Variants in PSD3 observed in about 807,000 individuals in gnomAD.
The protein encoded by PSD3 is pleckstrin and Sec7 domain containing 3.
In PSD3, 49 loss-of-function variants were observed where a neutral mutation model predicts 105.5. The observed-to-expected ratio is 0.46, with a 90% CI of 0.37 to 0.59. The LOEUF is 0.59. PSD3 is among the 20% of genes least tolerant of loss of function. PSD3 has a pLI of 0.00. For missense variants in PSD3, 1,561 were observed against 1,263.8 expected, an observed-to-expected ratio of 1.24 and a Z score of -3.57; for synonymous variants, 557 against 457.8, an observed-to-expected ratio of 1.22 and a Z score of -2.77.
Position 18,871,500 on chromosome 8 carries a change from A to T in PSD3, c.1238+126T>A, listed in dbSNP as rs575396426. On this transcript the variant is annotated intron_variant, in intron 3 of 15. Transcript: ENST00000327040. ...AGAAGGACCTAGCTCACAGTAACTC[A>T]TCTTATATTCCATGATAACAAGAAC... 30 of 1,252,030 alleles carry T rather than the reference A, an allele frequency of 2.4e-5. No individual in the cohort carries two copies. The African/African-American group carries it at 3.9e-4, about 16-fold the overall frequency. The allele number at this position is 1,252,030 out of a possible 1,614,324, so 77.6% of individuals were successfully genotyped here. A position where few individuals can be genotyped will look rare whatever the true frequency, so the allele number is the denominator to read the frequency against.
intron 4 of PSD3, among the ~76,000 whole-genome samples, chr8:18,832,687 A>C (rs1256386142): frequency 6.6e-6 from 1 of 152,232 alleles, no homozygotes; most frequent in Non-Finnish European, 1.5e-5. Flanking sequence ...AAAGCCGTTT[A>C]GTGGGCTCAC....
chr8:18,760,801 C>A (rs1277134159), intron 9 of PSD3, among the ~76,000 whole-genome samples: 1 of 152,160 alleles, frequency 6.6e-6, no homozygotes, highest in Non-Finnish European at 1.5e-5. Flanking sequence ...CAGGCTGACA[C>A]AGTCAAGAGT....
chr8:18,869,240 G>T (rs1817165955), intron 3 of PSD3, among the ~76,000 whole-genome samples: 1 of 146,440 alleles, frequency 6.8e-6, no homozygotes, highest in South Asian at 2.2e-4. Context: ...CCTAGGCTGG[G>T]GTGCATTGGT....
intron 9 of PSD3, among the ~76,000 whole-genome samples, chr8:18,704,861 TA>T (rs1035019216): frequency 1.1e-4 from 16 of 151,780 alleles, no homozygotes; most frequent in South Asian, 2.1e-4. Context: ...TAATAATGTT[TA>T]AAAAAAATAA....
intron 9 of PSD3, among the ~76,000 whole-genome samples, chr8:18,712,303 G>C (rs1015795163): frequency 1.4e-5 from 2 of 142,696 alleles, no homozygotes; most frequent in African/African-American, 5.3e-5. Context: ...ATAGGGACAT[G>C]AAAAATCCTT....
intron 2 of PSD3, among the ~76,000 whole-genome samples, chr8:18,934,388 C>T (rs1821939001): frequency 6.6e-6 from 1 of 152,212 alleles, no homozygotes. Context: ...TTTTATAGCA[C>T]TTATTACATA....
At chr8:18,684,204 CCA>C (rs67855105) in intron 9 of PSD3, 15,842 of 195,404 alleles carry the variant, frequency 0.081, 954 homozygotes, top group African/African-American at 0.18. Context: ...TCTCTCTTTT[CCA>C]CACACACACA....
At chr8:18,762,049 C>G (rs1482819885) in intron 9 of PSD3, among the ~76,000 whole-genome samples, 1 of 152,058 alleles carries the variant, frequency 6.6e-6, no homozygotes, top group Non-Finnish European at 1.5e-5. Flanking sequence ...AAGTCTTTTA[C>G]CTATACTTCA....
intron 4 of PSD3, among the ~76,000 whole-genome samples, chr8:18,827,383 C>T (rs1492288): frequency 0.23 from 34,804 of 152,054 alleles, 4,475 homozygotes; most frequent in Non-Finnish European, 0.27. Flanking sequence ...TTGTCCAAAG[C>T]AGTGCAAGAG....
chr8:18,705,056 A>G (rs1427143178), intron 9 of PSD3, among the ~76,000 whole-genome samples: 1 of 152,158 alleles, frequency 6.6e-6, no homozygotes, highest in African/African-American at 2.4e-5. Context: ...AAACTGGCCC[A>G]GAAATAGTAT....
chr8:18,618,200 C>T (rs1805838844), intron 11 of PSD3, among the ~76,000 whole-genome samples: 1 of 151,754 alleles, frequency 6.6e-6, no homozygotes, highest in Admixed American at 6.6e-5. Context: ...TCTTTCAATC[C>T]GTCTATGACC....
chr8:18,618,555 GTT>G (rs1156986000), intron 11 of PSD3, among the ~76,000 whole-genome samples: 27 of 142,098 alleles, frequency 1.9e-4, no homozygotes, highest in South Asian at 7.2e-4. Context: ...CCATTAAACT[GTT>G]TCTAAAATGA....
rs576597403 is a variant in PSD3 at position 19,008,081 on chromosome 8, C to T, written c.21+5482G>A. 7.4e-4 allele frequency among the ~76,000 whole-genome samples: 112 copies of T among 152,156 alleles called. 2 individuals carry two copies. In the South Asian group the frequency reaches 0.022, roughly 30 times the overall value. On this transcript the variant is annotated intron_variant, in intron 1 of 15. Transcript: ENST00000327040. ...TGGTCTCAACTCCGCTGACCTCAGG[C>T]GATCCACCCGCCTCGGGCTCCCAAA...
intron 9 of PSD3, among the ~76,000 whole-genome samples, chr8:18,717,263 T>C (rs1175546561): frequency 6.6e-6 from 1 of 152,168 alleles, no homozygotes; most frequent in Admixed American, 6.5e-5. Context: ...CATTTTATAC[T>C]AACATCCATT....
intron 14 of PSD3, 137 bp from the exon 15 acceptor site, chr8:18,556,489 C>A (rs1438717619): frequency 2.5e-5 from 22 of 869,782 alleles, no homozygotes; most frequent in Non-Finnish European, 3.9e-5. Flanking sequence ...GCTGCCACAT[C>A]CTTCCAGCTT....
intron 2 of PSD3, among the ~76,000 whole-genome samples, chr8:18,898,375 A>C (rs1819288015): frequency 1.3e-5 from 2 of 152,106 alleles, no homozygotes. Context: ...CTCTTTTTAC[A>C]TGAGTTTACT....
intron 1 of PSD3, among the ~76,000 whole-genome samples, chr8:18,988,727 T>G (rs1295222493): frequency 6.6e-6 from 1 of 151,550 alleles, no homozygotes; most frequent in Non-Finnish European, 1.5e-5. Context: ...TGGAAGAGAG[T>G]CCCCAAACTT....
intron 9 of PSD3, among the ~76,000 whole-genome samples, chr8:18,658,924 T>C (rs1563150395): frequency 6.6e-6 from 1 of 152,064 alleles, no homozygotes; most frequent in Admixed American, 6.6e-5. Context: ...AAGAAACACA[T>C]CCAAAACAAG....
chr8:18,903,791 C>T (rs972657613), intron 2 of PSD3, among the ~76,000 whole-genome samples: 1 of 152,098 alleles, frequency 6.6e-6, no homozygotes, highest in African/African-American at 2.4e-5. Flanking sequence ...GATATAGGAC[C>T]TTTCTGGGGG....
Sources: allele counts gnomAD v4.1 joint callset (sites outside exome capture counted in the v4.1 genomes callset), GRCh38; gene constraint gnomAD v4.1.1; transcripts MANE v1.5; gene names NCBI Gene and HGNC (gene_info 2026-07-23, HGNC 2026-07-21).